Variants in DNAJC16 observed in about 807,000 individuals in gnomAD.
The protein encoded by DNAJC16 is DnaJ heat shock protein family (Hsp40) member C16, also known as dnaJ homolog subfamily C member 16.
A neutral mutation model predicts 92.7 loss-of-function variants in DNAJC16; 76 were observed. The observed-to-expected ratio is 0.82, with a 90% CI of 0.68 to 0.99. The LOEUF is 0.99. DNAJC16 is among the 50% of genes least tolerant of loss of function. The pLI is 0.00. For synonymous variants in DNAJC16, 328 were observed against 358.7 expected, an observed-to-expected ratio of 0.91 and a Z score of 0.97; for missense variants, 869 against 942.4, an observed-to-expected ratio of 0.92 and a Z score of 1.02.
In DNAJC16 at chr1:15,548,334, C is replaced by T. The variant is rs751317542; in HGVS notation, c.929C>T (p.Thr310Met). The T allele has an allele frequency of 2.6e-5, 42 of 1,613,962 alleles. No homozygotes were observed. The highest frequency in any genetic ancestry group is 3.3e-5 in the South Asian group (3 of 91,074). ...TATGTATATGTGGGTTTGAGAGGGA[C>T]GGAAGAGATGACAAGGCGGTACAAC... Reference protein sequence around the residue: ...FGYVYVGLRGTEEMTRRYNIN... With the variant: ...FGYVYVGLRGMEEMTRRYNIN... Residue 310 changes from threonine (T) to methionine (M), a missense_variant, in exon 7 of 15, where the codon ACG becomes ATG. Thr to Met is a moderately conservative substitution (Grantham distance 81). Transcript: ENST00000375847.
intron 1 of DNAJC16, among the ~76,000 whole-genome samples, chr1:15,527,678 T>C (rs953850887): frequency 1.3e-5 from 2 of 152,226 alleles, no homozygotes; most frequent in Non-Finnish European, 2.9e-5. Context: ...TGGTTTGTTT[T>C]AGGATTTTAT....
intron 7 of DNAJC16, among the ~76,000 whole-genome samples, chr1:15,557,009 C>T (rs1293165347): frequency 1.3e-5 from 2 of 152,150 alleles, no homozygotes; most frequent in African/African-American, 4.8e-5. Context: ...TAATGTTAAA[C>T]CTAACTTGCA....
intron 7 of DNAJC16, among the ~76,000 whole-genome samples, chr1:15,555,584 G>A (rs1433587858): frequency 6.7e-6 from 1 of 149,270 alleles, no homozygotes; most frequent in African/African-American, 2.5e-5. Flanking sequence ...TTAGAAGGCT[G>A]AGGCAGAGAA....
chr1:15,559,539 A>G lies in DNAJC16; in HGVS notation c.1037A>G (p.Lys346Arg), dbSNP rs1305401572. The change falls in exon 8 of 15, where the codon AAG becomes AGG. Residue 346 changes from lysine to arginine, a missense_variant. Physicochemically the swap from Lys to Arg is conservative, Grantham distance 26 (BLOSUM62 2). Coordinates refer to ENST00000375847, the MANE Select transcript of DNAJC16 (RefSeq NM_015291.4). ...PADVIQARGM[K>R]KQIIDDFITR... ...GTTTTTCTCTAGGCCCGAGGTATGA[A>G]GAAGCAAATCATTGACGACTTCATC... is the stretch of plus-strand genomic sequence containing the variant. The G allele has an allele frequency of 6.2e-7, 1 of 1,614,150 alleles. No individual in the cohort carries two copies. Among genetic ancestry groups the G allele is most frequent in the East Asian group, 2.2e-5 (1 of 44,888 alleles).
chr1:15,553,704 A>G (rs189406904), intron 7 of DNAJC16, among the ~76,000 whole-genome samples: 9 of 152,288 alleles, frequency 5.9e-5, no homozygotes, highest in African/African-American at 2.2e-4. Context: ...TCAGCCCAGA[A>G]GGCCCCTCCC....
At chr1:15,561,580 G>A (rs1238543987) in intron 8 of DNAJC16, among the ~76,000 whole-genome samples, 1 of 152,126 alleles carries the variant, frequency 6.6e-6, no homozygotes, top group East Asian at 1.9e-4. Context: ...AGCTACTTGG[G>A]AGGCTGAGGC....
chr1:15,561,586 G>A (rs1638692409), intron 8 of DNAJC16, among the ~76,000 whole-genome samples: 1 of 152,142 alleles, frequency 6.6e-6, no homozygotes, highest in African/African-American at 2.4e-5. Context: ...TTGGGAGGCT[G>A]AGGCAGGAGA....
intron 3 of DNAJC16, among the ~76,000 whole-genome samples, chr1:15,536,160 G>A (rs938850927): frequency 1.4e-5 from 2 of 138,622 alleles, no homozygotes; most frequent in African/African-American, 2.7e-5. Context: ...CTCAACCTCC[G>A]CCTCCTGGGT....
intron 3 of DNAJC16, 140 bp from the exon 4 acceptor site, chr1:15,536,335 C>T: frequency 1.5e-6 from 1 of 658,444 alleles, no homozygotes; most frequent in South Asian, 2.1e-5. Flanking sequence ...CCGCCTCAGC[C>T]TCCCAAAGTG....
intron 3 of DNAJC16, 77 bp downstream of exon 3, chr1:15,534,380 T>C: frequency 1.4e-6 from 2 of 1,475,330 alleles, no homozygotes; most frequent in South Asian, 2.3e-5. Flanking sequence ...TTTGTAAAGT[T>C]GTCAGAAAGG....
intron 4 of DNAJC16, among the ~76,000 whole-genome samples, chr1:15,543,626 A>G (rs1332556418): frequency 6.6e-6 from 1 of 152,172 alleles, no homozygotes; most frequent in Non-Finnish European, 1.5e-5. Flanking sequence ...CTGCTATGTT[A>G]AGAACAGACT....
chr1:15,546,862 G>C lies in DNAJC16; in HGVS notation c.855G>C (p.Leu285=), dbSNP rs757271127. ...LLFDQTPIVP[L]LYKLTAFAYK... ...TTGACCAAACGCCCATTGTGCCACT[G>C]TTATACAAGGTACTTTCTATGCTAG... The change falls in exon 6 of 15, where the codon CTG becomes CTC. Residue 285 remains leucine (L), a synonymous_variant. Coordinates refer to ENST00000375847, the MANE Select transcript of DNAJC16 (RefSeq NM_015291.4). 1 of 1,598,008 alleles carries C rather than the reference G, an allele frequency of 6.3e-7. No homozygotes were observed. Among genetic ancestry groups the C allele is most frequent in the South Asian group, 1.1e-5 (1 of 89,242 alleles).
At chr1:15,558,980 C>G (rs1638630499) in intron 7 of DNAJC16, among the ~76,000 whole-genome samples, 2 of 152,094 alleles carry the variant, frequency 1.3e-5, no homozygotes, top group African/African-American at 4.8e-5. Flanking sequence ...CGCTCTGTCG[C>G]CCAGGCTAAA....
intron 7 of DNAJC16, among the ~76,000 whole-genome samples, chr1:15,556,071 AC>A (rs1243262041): frequency 8.1e-5 from 12 of 147,820 alleles, no homozygotes; most frequent in African/African-American, 3.0e-4. Flanking sequence ...AGGTGGGAGG[AC>A]CACTTGAGCT....
chr1:15,564,869 C>G (rs895825715), intron 11 of DNAJC16, among the ~76,000 whole-genome samples: 11 of 150,762 alleles, frequency 7.3e-5, no homozygotes, highest in African/African-American at 2.7e-4. Flanking sequence ...GAGTCTCACT[C>G]TGTCACTCAG....
intron 7 of DNAJC16, among the ~76,000 whole-genome samples, chr1:15,548,698 A>G (rs919087064): frequency 6.6e-5 from 10 of 152,192 alleles, no homozygotes; most frequent in Admixed American, 2.6e-4. Context: ...AATGTAAAAC[A>G]GTAATAAAAA....
rs1570930854 is a variant in DNAJC16, at chr1:15,564,198, T to TA, written c.1522-85_1522-84insA. 9.5e-5 allele frequency: 148 copies of TA among 1,564,636 alleles called. No homozygotes were observed. In the East Asian group the frequency reaches 3.3e-3, roughly 35 times the overall value. Reference sequence around the variant, plus strand: ...GGCGGATTTCTGCTCAGAGCAGAGGTCCAGCAGCAGCACTGTGTTGCAGGG... The same window carrying TA: ...GGCGGATTTCTGCTCAGAGCAGAGGTACCAGCAGCAGCACTGTGTTGCAGGG... On this transcript the variant is annotated intron_variant, in intron 10 of 14. Transcript: ENST00000375847.
At position 15,528,204 on chromosome 1, in the gene DNAJC16, G is replaced by A. The variant is rs189644046; in HGVS notation, c.-18-884G>A. The stretch of plus-strand genomic sequence containing the variant: ...TCCCAACACTTTGGGAGGCCGAGGC[G>A]GGTGGATCACCTGAGGTCAGGAGTT... On this transcript the variant is annotated intron_variant, in intron 1 of 14. Coordinates refer to ENST00000375847, the MANE Select transcript of DNAJC16 (RefSeq NM_015291.4). 2.3e-3 allele frequency among the ~76,000 whole-genome samples: 351 copies of A among 152,316 alleles called. 1 individual carries two copies. The highest frequency in any genetic ancestry group is 8.0e-3 in the African/African-American group (334 of 41,562).
Position 15,532,223 on chromosome 1 carries a change from CTCTA to C in DNAJC16, c.168-2010_168-2007del, listed in dbSNP as rs570765785. Reference sequence around the variant, plus strand: ...GTGTAATTCTTTGCTGTATTACCTTCTCTATCTTTGTTTTTATTCCTTTAAGAGG... The same window carrying C: ...GTGTAATTCTTTGCTGTATTACCTTCTCTTTGTTTTTATTCCTTTAAGAGG... On this transcript the variant is annotated intron_variant, in intron 2 of 14. Transcript: ENST00000375847. Among the ~76,000 whole-genome samples the C allele has an allele frequency of 8.5e-4, 129 of 152,292 alleles. 2 individuals are homozygous for C. Among genetic ancestry groups the C allele is most frequent in the Middle Eastern group, 3.4e-3 (1 of 294 alleles).
Sources: gnomAD v4.1 joint callset for allele counts (sites outside exome capture counted in the v4.1 genomes callset) on GRCh38, gnomAD v4.1.1 for gene constraint, MANE v1.5 for transcripts, NCBI Gene and HGNC (gene_info 2026-07-23, HGNC 2026-07-21) for gene names.